EXT2: variants seen among roughly 807,000 people sequenced by gnomAD.
EXT2 encodes exostosin glycosyltransferase 2.
A neutral mutation model predicts 81.6 loss-of-function variants in EXT2; 53 were observed. That is an observed-to-expected ratio of 0.65 (90% CI 0.52 to 0.82). EXT2 has a LOEUF of 0.82. EXT2 is among the 40% of genes least tolerant of loss of function. EXT2 has a pLI of 0.00. For missense variants in EXT2, 774 were observed against 910.2 expected, an observed-to-expected ratio of 0.85 and a Z score of 1.93; for synonymous variants, 320 against 340.0, an observed-to-expected ratio of 0.94 and a Z score of 0.65.
intron 10 of EXT2, among the ~76,000 whole-genome samples, chr11:44,230,830 C>T (rs1210348820): frequency 1.3e-5 from 2 of 152,134 alleles, no homozygotes; most frequent in African/African-American, 4.8e-5. Context: ...AACAGCAACC[C>T]TAGGAAACTG....
intron 3 of EXT2, 66 bp from the exon 4 acceptor site, chr11:44,114,119 C>A: frequency 7.3e-7 from 1 of 1,360,636 alleles, no homozygotes; most frequent in Non-Finnish European, 1.1e-6. Context: ...TCCTGTTCCT[C>A]TCCACAGTGT....
rs140974653 is a variant in EXT2, at chr11:44,247,406, C to T, written c.*3119C>T. On this transcript the variant is annotated 3_prime_UTR_variant, in exon 14 of 14. Coordinates refer to ENST00000533608, the MANE Select transcript of EXT2 (RefSeq NM_207122.2). ...CTGGGATTACAGGCGCTTGCCACCA[C>T]GCCTGGCTAATTTGTTTGTAATTTT... Among the ~76,000 whole-genome samples the T allele has an allele frequency of 5.2e-3, 764 of 147,186 alleles. 10 individuals are homozygous for T. The highest frequency in any genetic ancestry group is 0.018 in the African/African-American group (718 of 39,756).
At chr11:44,121,171 T>G (rs1475686485) in intron 4 of EXT2, among the ~76,000 whole-genome samples, 1 of 152,100 alleles carries the variant, frequency 6.6e-6, no homozygotes, top group Non-Finnish European at 1.5e-5. Context: ...AAGAGAAGAG[T>G]AGTAAGGTAG....
chr11:44,108,901 T>C (rs560071777), intron 2 of EXT2, among the ~76,000 whole-genome samples: 4 of 152,198 alleles, frequency 2.6e-5, no homozygotes, highest in African/African-American at 4.8e-5. Flanking sequence ...GCTTCTCTAA[T>C]GTATTTTGTG....
At chr11:44,137,302 T>TTG (rs1565208361) in intron 7 of EXT2, among the ~76,000 whole-genome samples, 1 of 152,196 alleles carries the variant, frequency 6.6e-6, no homozygotes, top group African/African-American at 2.4e-5. Flanking sequence ...TTGGACTGAT[T>TTG]TGCAGTTGTT....
intron 3 of EXT2, 87 bp from the exon 4 acceptor site, chr11:44,114,098 G>A: frequency 3.4e-6 from 4 of 1,167,270 alleles, no homozygotes; most frequent in Non-Finnish European, 5.2e-6. Flanking sequence ...TGATAATAAA[G>A]ACTCAGTAAT....
rs78133700 is a variant in EXT2 at position 44,251,936 on chromosome 11, G to A, written c.*7649G>A. On this transcript the variant is annotated 3_prime_UTR_variant, in exon 14 of 14. Coordinates refer to ENST00000533608, the MANE Select transcript of EXT2 (RefSeq NM_207122.2). ...CAAGTGACTGAATATAATTTCAAAT[G>A]TCAATAAATGCTGTGAAGAAAATAA... Among the ~76,000 whole-genome samples, 476 of 152,296 alleles carry A rather than the reference G, an allele frequency of 3.1e-3. 11 individuals are homozygous for A. In the East Asian group the frequency reaches 0.072, roughly 23 times the overall value.
Position 44,206,851 on chromosome 11 carries a change from G to C in EXT2, c.1554G>C (p.Lys518Asn). 3.7e-6 allele frequency: 6 copies of C among 1,614,116 alleles called. No individual in the cohort carries two copies. The highest frequency in any genetic ancestry group is 5.1e-6 in the Non-Finnish European group (6 of 1,180,008). The change falls in exon 10 of 14, where the codon AAG (lysine) becomes AAC (asparagine). Residue 518 changes from lysine (K) to asparagine (N), a missense_variant. Lys to Asn is a moderately conservative substitution (Grantham distance 94). Around this residue, in one of 2 missense-constraint regions of EXT2, gnomAD observed 626 missense variants for 670.5 expected, o/e 0.93. Transcript: ENST00000533608. ...AAGTTGTGAGGACTGCTGAAAACAAGTTAAGTAACCGTTTCTTCCCTTATG... is the reference window on the plus strand; with the variant it reads ...AAGTTGTGAGGACTGCTGAAAACAACTTAAGTAACCGTTTCTTCCCTTATG... The part of the protein sequence containing the change: ...PLKVVRTAEN[K>N]LSNRFFPYDE...
intron 8 of EXT2, among the ~76,000 whole-genome samples, chr11:44,190,763 G>A (rs115873126): frequency 0.013 from 2,046 of 152,288 alleles, 39 homozygotes; most frequent in African/African-American, 0.045. Flanking sequence ...CAGCAAGAAC[G>A]CTTCAGAATG....
At chr11:44,139,198 C>CT (rs34792656) in intron 7 of EXT2, among the ~76,000 whole-genome samples, 124 of 134,858 alleles carry the variant, frequency 9.2e-4, no homozygotes, top group Admixed American at 2.1e-3. Flanking sequence ...TTTAGCTGAC[C>CT]TTTTTTTTTT....
At chr11:44,204,343 TCA>T (rs1174092636) in intron 9 of EXT2, among the ~76,000 whole-genome samples, 1 of 152,222 alleles carries the variant, frequency 6.6e-6, no homozygotes, top group East Asian at 1.9e-4. Context: ...TAAAATTTCC[TCA>T]GTTTTAATTT....
chr11:44,202,073 A>G (rs1470779024), intron 9 of EXT2, among the ~76,000 whole-genome samples: 1 of 152,202 alleles, frequency 6.6e-6, no homozygotes, highest in Non-Finnish European at 1.5e-5. Context: ...GCCAAAGCCG[A>G]CTTTTGGCTA....
At chr11:44,146,951 C>T (rs1008673279) in intron 7 of EXT2, among the ~76,000 whole-genome samples, 55 of 152,128 alleles carry the variant, frequency 3.6e-4, no homozygotes, top group Admixed American at 1.0e-3. Context: ...TTCATTCTTA[C>T]GCTTACATCA....
chr11:44,157,713 T>C (rs1377668917), intron 7 of EXT2, among the ~76,000 whole-genome samples: 5 of 152,174 alleles, frequency 3.3e-5, no homozygotes, highest in African/African-American at 1.2e-4. Flanking sequence ...CTTGGTACTC[T>C]ACCCTGCTAT....
At chr11:44,182,239 C>T (rs1279062793) in intron 8 of EXT2, among the ~76,000 whole-genome samples, 2 of 152,090 alleles carry the variant, frequency 1.3e-5, no homozygotes, top group Admixed American at 1.3e-4. Context: ...TATAAACCTC[C>T]CTTCTCCTGT....
intron 7 of EXT2, among the ~76,000 whole-genome samples, chr11:44,151,978 C>T (rs1039047492): frequency 6.6e-6 from 1 of 152,304 alleles, no homozygotes; most frequent in Admixed American, 6.5e-5. Context: ...TGATATTGAA[C>T]ATCTTTTCAT....
chr11:44,193,275 A>G (rs1008655615), intron 8 of EXT2, among the ~76,000 whole-genome samples: 3 of 152,186 alleles, frequency 2.0e-5, no homozygotes, highest in Non-Finnish European at 4.4e-5. Context: ...GCTGCAAGAG[A>G]TCTCAAGACT....
intron 7 of EXT2, among the ~76,000 whole-genome samples, chr11:44,131,341 T>C (rs1444325558): frequency 6.6e-6 from 1 of 152,216 alleles, no homozygotes; most frequent in Admixed American, 6.5e-5. Flanking sequence ...TTTATTATGA[T>C]AGTGAACTTC....
chr11:44,235,316 CCT>C (rs1222566204), intron 12 of EXT2, among the ~76,000 whole-genome samples: 1 of 143,362 alleles, frequency 7.0e-6, no homozygotes, highest in Non-Finnish European at 1.5e-5. Flanking sequence ...CTCACTGCAG[CCT>C]CTGCCTCCTG....
Sources: allele counts gnomAD v4.1 joint callset (sites outside exome capture counted in the v4.1 genomes callset), GRCh38; gene constraint gnomAD v4.1.1; regional missense constraint gnomAD v4.1.1; transcripts MANE v1.5; gene names NCBI Gene and HGNC (gene_info 2026-07-23, HGNC 2026-07-21).